Variants in KCNJ3 observed in about 807,000 individuals in gnomAD.
KCNJ3 encodes G protein-activated inward rectifier potassium channel 1.
A neutral mutation model predicts 39.2 loss-of-function variants in KCNJ3; 4 were observed. The ratio of observed to expected loss-of-function variants is 0.10; its 90% CI spans 0.05 to 0.23. The LOEUF (loss-of-function observed/expected upper bound fraction) is 0.23, where lower values mean the gene tolerates loss of function less well. Ranked by LOEUF, KCNJ3 falls within the 10% of genes least tolerant of loss-of-function variation. The probability of loss-of-function intolerance (pLI) is 1.00; values close to 1 mark genes in which losing one functional copy is unlikely to be tolerated. For synonymous variants in KCNJ3, 230 were observed against 237.4 expected (o/e 0.97, Z 0.29); for missense variants, 276 against 634.9 (o/e 0.43, Z 6.08).
At chr2:154,812,583 A>G (rs1687023209) in intron 2 of KCNJ3, among the ~76,000 whole-genome samples, 1 of 152,150 alleles carries the variant, frequency 6.6e-6, no homozygotes, top group Non-Finnish European at 1.5e-5. Flanking sequence ...AATTTCTTGT[A>G]GGACATTGAT....
chr2:154,712,362 A>G (rs1004941918), intron 2 of KCNJ3, among the ~76,000 whole-genome samples: 1 of 152,222 alleles, frequency 6.6e-6, no homozygotes, highest in Non-Finnish European at 1.5e-5. Context: ...CAAGACAAAT[A>G]TGATCTTATG....
chr2:154,819,011 C>T (rs576287422), intron 2 of KCNJ3, among the ~76,000 whole-genome samples: 9 of 129,494 alleles, frequency 7.0e-5, no homozygotes, highest in Non-Finnish European at 1.2e-4. Flanking sequence ...CTTGCAATAG[C>T]AAGATAATGA....
At chr2:154,747,920 G>T (rs79121255) in intron 2 of KCNJ3, among the ~76,000 whole-genome samples, 125 of 151,930 alleles carry the variant, frequency 8.2e-4, no homozygotes, top group Non-Finnish European at 1.6e-3. Context: ...GCATGGGCTT[G>T]GTCAGGAAGC....
At chr2:154,844,781 G>T (rs1245175253) in intron 2 of KCNJ3, among the ~76,000 whole-genome samples, 1 of 152,200 alleles carries the variant, frequency 6.6e-6, no homozygotes, top group Non-Finnish European at 1.5e-5. Flanking sequence ...TACCTTGTCT[G>T]CTGGTTGCTA....
intron 2 of KCNJ3, among the ~76,000 whole-genome samples, chr2:154,732,296 T>A (rs1270772778): frequency 6.6e-6 from 1 of 152,148 alleles, no homozygotes; most frequent in African/African-American, 2.4e-5. Context: ...TGGGAATTTG[T>A]CACTGTTTCC....
chr2:154,712,588 G>A (rs2105153731), intron 2 of KCNJ3, among the ~76,000 whole-genome samples: 2 of 152,254 alleles, frequency 1.3e-5, no homozygotes, highest in East Asian at 3.9e-4. Context: ...AGATATAGTG[G>A]TGACCCGGAC....
At chr2:154,830,986 A>G (rs1012274949) in intron 2 of KCNJ3, among the ~76,000 whole-genome samples, 1 of 152,168 alleles carries the variant, frequency 6.6e-6, no homozygotes, top group Non-Finnish European at 1.5e-5. Flanking sequence ...TCTAAATCCA[A>G]TTAGTTGTCA....
chr2:154,779,058 C>G (rs768951564), intron 2 of KCNJ3, among the ~76,000 whole-genome samples: 13 of 151,902 alleles, frequency 8.6e-5, no homozygotes, highest in Non-Finnish European at 1.8e-4. Context: ...CTAATAAAAC[C>G]TTAGCAGTAC....
intron 2 of KCNJ3, among the ~76,000 whole-genome samples, chr2:154,805,187 C>T (rs1686888386): frequency 6.6e-6 from 1 of 151,852 alleles, no homozygotes; most frequent in East Asian, 1.9e-4. Context: ...AGAAAAAAAA[C>T]AGGTTTTTTT....
At chr2:154,765,058 G>T (rs1274175657) in intron 2 of KCNJ3, among the ~76,000 whole-genome samples, 1 of 152,110 alleles carries the variant, frequency 6.6e-6, no homozygotes, top group Admixed American at 6.5e-5. Context: ...AGTTTGTCGG[G>T]GGGAAAGGGC....
intron 2 of KCNJ3, among the ~76,000 whole-genome samples, chr2:154,771,358 A>G (rs1019586703): frequency 2.6e-5 from 4 of 152,234 alleles, no homozygotes; most frequent in African/African-American, 9.6e-5. Context: ...TTCATCACTT[A>G]CATAAGCTAA....
chr2:154,783,850 G>A (rs1387141206), intron 2 of KCNJ3, among the ~76,000 whole-genome samples: 1 of 152,114 alleles, frequency 6.6e-6, no homozygotes, highest in African/African-American at 2.4e-5. Flanking sequence ...TAAATTCTAT[G>A]TATGCTGCAA....
chr2:154,847,242 A>G (rs1687677633), intron 2 of KCNJ3, among the ~76,000 whole-genome samples: 1 of 152,202 alleles, frequency 6.6e-6, no homozygotes, highest in East Asian at 1.9e-4. Flanking sequence ...AAAGATTAAA[A>G]AAAATCATAA....
chr2:154,797,462 C>T lies in KCNJ3; in HGVS notation c.920-57265C>T, dbSNP rs182890246. On this transcript the variant is annotated intron_variant, in intron 2 of 2. Transcript: ENST00000295101. ...AGAAGTGAAATTCTTCCAGGGCAAACCCCACTGTCTATAGTTTAGTGTGGT... is the reference window on the plus strand; with the variant it reads ...AGAAGTGAAATTCTTCCAGGGCAAATCCCACTGTCTATAGTTTAGTGTGGT... Among the ~76,000 whole-genome samples, 539 of 152,178 alleles carry T rather than the reference C, an allele frequency of 3.5e-3. 6 individuals carry two copies. Among genetic ancestry groups the T allele is most frequent in the South Asian group, 5.0e-3 (24 of 4,822 alleles).
rs962405530 is a variant in KCNJ3, at chr2:154,780,107, C to T, written c.919+70288C>T. On this transcript the variant is annotated intron_variant, in intron 2 of 2. Transcript: ENST00000295101. ...CTTGGAAAGGTCAGGAAATAATTTA[C>T]TCATGAAGAAATATTTGAAGTGGAT... Among the ~76,000 whole-genome samples the T allele has an allele frequency of 5.3e-5, 8 of 152,034 alleles. No individual in the cohort carries two copies. In the South Asian group the frequency reaches 1.7e-3, roughly 32 times the overall value.
Position 154,814,349 on chromosome 2 carries a change from G to A in KCNJ3, c.920-40378G>A, listed in dbSNP as rs1052407924. 3.3e-5 allele frequency among the ~76,000 whole-genome samples: 5 copies of A among 152,158 alleles called. No individual in the cohort carries two copies. In the South Asian group the frequency reaches 8.3e-4, roughly 25 times the overall value. ...AAGTATGTATCAGGTATAAAATGAA[G>A]TATTTTGGCTGGGTGCAGTGGCTTA... On this transcript the variant is annotated intron_variant, in intron 2 of 2. Coordinates refer to ENST00000295101, the MANE Select transcript of KCNJ3 (RefSeq NM_002239.4).
At chr2:154,835,503 ATCAAAATATAT>A (rs1687444375) in intron 2 of KCNJ3, among the ~76,000 whole-genome samples, 30 of 144,858 alleles carry the variant, frequency 2.1e-4, no homozygotes, top group South Asian at 6.7e-4. Flanking sequence ...ATGAATATAT[ATCAAAATATAT>A]ATATATGAAT....
At position 154,704,970 on chromosome 2, in the gene KCNJ3, G is replaced by A. The variant is rs571518233; in HGVS notation, c.703-4633G>A. ...TAAGCAAGAATGGCTTGCTCTCTCC[G>A]TCTTAGCCTCCTTTCCTTTCCTTCC... On this transcript the variant is annotated intron_variant, in intron 1 of 2. Coordinates refer to ENST00000295101, the MANE Select transcript of KCNJ3 (RefSeq NM_002239.4). Among the ~76,000 whole-genome samples the A allele has an allele frequency of 7.0e-4, 107 of 152,294 alleles. 1 individual carries two copies. Among genetic ancestry groups the A allele is most frequent in the Non-Finnish European group, 6.6e-4 (45 of 68,008 alleles).
intron 2 of KCNJ3, among the ~76,000 whole-genome samples, chr2:154,847,945 A>G (rs898465248): frequency 2.0e-5 from 3 of 152,158 alleles, no homozygotes; most frequent in Non-Finnish European, 4.4e-5. Context: ...GGACACCAGA[A>G]TATCAGCTAG....
Sources: allele counts gnomAD v4.1 joint callset (sites outside exome capture counted in the v4.1 genomes callset), GRCh38; gene constraint gnomAD v4.1.1; transcripts MANE v1.5; gene names NCBI Gene and HGNC (gene_info 2026-07-23, HGNC 2026-07-21).